Variants in ATRNL1 observed in about 807,000 individuals in gnomAD.
ATRNL1 encodes attractin-like protein 1.
A neutral mutation model predicts 182.7 loss-of-function variants in ATRNL1; 95 were observed. The ratio of observed to expected loss-of-function variants is 0.52; its 90% CI spans 0.44 to 0.62. The LOEUF is 0.62. ATRNL1 is among the 20% of genes least tolerant of loss of function. The pLI is 0.00. For missense variants in ATRNL1, 1,471 were observed against 1,679.5 expected (o/e 0.88, Z 2.17); for synonymous variants, 576 against 568.3 (o/e 1.01, Z -0.19).
At chr10:115,566,512 A>G (rs1216462136) in intron 26 of ATRNL1, among the ~76,000 whole-genome samples, 1 of 152,138 alleles carries the variant, frequency 6.6e-6, no homozygotes, top group Non-Finnish European at 1.5e-5. Flanking sequence ...TCTATGTAGA[A>G]TGTTCTTTGA....
intron 26 of ATRNL1, among the ~76,000 whole-genome samples, chr10:115,645,495 T>G (rs1859548104): frequency 6.8e-6 from 1 of 147,464 alleles, no homozygotes; most frequent in South Asian, 2.1e-4. Flanking sequence ...AATAGAGATT[T>G]ATATATATAT....
At chr10:115,262,999 A>G (rs1851455446) in intron 10 of ATRNL1, among the ~76,000 whole-genome samples, 1 of 151,890 alleles carries the variant, frequency 6.6e-6, no homozygotes, top group African/African-American at 2.4e-5. Flanking sequence ...TTGGAAATCT[A>G]GAGAAACATT....
rs574332536 is a variant in ATRNL1 at position 115,775,002 on chromosome 10, A to C, written c.3903+47647A>C. ...TCATAAGACATTAGCTAAGAAATGA[A>C]TACCATTGAGGTTTTGAATGATCAG... On this transcript the variant is annotated intron_variant, in intron 27 of 28. Transcript: ENST00000355044. Among the ~76,000 whole-genome samples the C allele has an allele frequency of 2.0e-5, 3 of 152,330 alleles. No individual in the cohort carries two copies. The South Asian group carries it at 6.2e-4, about 32-fold the overall frequency.
At chr10:115,236,204 T>C (rs1554901364) in intron 9 of ATRNL1, among the ~76,000 whole-genome samples, 1 of 152,156 alleles carries the variant, frequency 6.6e-6, no homozygotes, top group East Asian at 1.9e-4. Context: ...CCTAGGTTCC[T>C]TTTAGTGGAG....
At chr10:115,465,588 A>G (rs1221177598) in intron 22 of ATRNL1, among the ~76,000 whole-genome samples, 3 of 138,826 alleles carry the variant, frequency 2.2e-5, no homozygotes, top group Non-Finnish European at 4.9e-5. Context: ...AATAGAATTC[A>G]GTATTAATTG....
intron 18 of ATRNL1, among the ~76,000 whole-genome samples, chr10:115,326,665 A>T (rs1277706774): frequency 4.0e-5 from 6 of 151,712 alleles, no homozygotes; most frequent in Admixed American, 6.6e-5. Flanking sequence ...GAGGCATCAC[A>T]CTACCTGACT....
chr10:115,930,516 T>C (rs1555121358), intron 28 of ATRNL1, among the ~76,000 whole-genome samples: 1 of 152,150 alleles, frequency 6.6e-6, no homozygotes, highest in African/African-American at 2.4e-5. Flanking sequence ...AATTCAACTA[T>C]TGGTTTTATT....
At chr10:115,181,645 A>G (rs893652920) in intron 8 of ATRNL1, among the ~76,000 whole-genome samples, 18 of 151,712 alleles carry the variant, frequency 1.2e-4, no homozygotes, top group African/African-American at 4.1e-4. Flanking sequence ...TTCATTACTT[A>G]TCAATTATTT....
intron 10 of ATRNL1, among the ~76,000 whole-genome samples, chr10:115,256,090 A>G: frequency 6.6e-6 from 1 of 152,132 alleles, no homozygotes; most frequent in Non-Finnish European, 1.5e-5. Flanking sequence ...ATATTGGTCT[A>G]AAATTCTCTT....
chr10:115,650,062 A>G (rs1361954680), intron 26 of ATRNL1, among the ~76,000 whole-genome samples: 1 of 152,140 alleles, frequency 6.6e-6, no homozygotes, highest in Non-Finnish European at 1.5e-5. Context: ...TGAGTTTTAC[A>G]ATTACTAAAT....
intron 28 of ATRNL1, among the ~76,000 whole-genome samples, chr10:115,854,629 C>T (rs986832450): frequency 2.4e-4 from 36 of 152,164 alleles, no homozygotes; most frequent in African/African-American, 8.2e-4. Flanking sequence ...TAAAGTGAGC[C>T]GTCCTTCCCC....
chr10:115,683,995 C>T (rs984045007), intron 26 of ATRNL1, among the ~76,000 whole-genome samples: 8 of 151,592 alleles, frequency 5.3e-5, no homozygotes, highest in Admixed American at 1.3e-4. Flanking sequence ...ATCTGATACA[C>T]ATATTTTTAT....
At chr10:115,424,804 G>A (rs916076466) in intron 20 of ATRNL1, among the ~76,000 whole-genome samples, 2 of 152,086 alleles carry the variant, frequency 1.3e-5, no homozygotes, top group Admixed American at 6.5e-5. Context: ...AAAGGCTTGG[G>A]AGGGTATGAG....
chr10:115,252,019 T>TTTG (rs371207632), intron 10 of ATRNL1, among the ~76,000 whole-genome samples: 12 of 151,756 alleles, frequency 7.9e-5, no homozygotes, highest in Middle Eastern at 3.4e-3. Context: ...GCTGTCTAGG[T>TTTG]TTGTTGTTGT....
chr10:115,127,055 A>G (rs1286043032), intron 3 of ATRNL1, among the ~76,000 whole-genome samples: 2 of 152,206 alleles, frequency 1.3e-5, no homozygotes, highest in African/African-American at 4.8e-5. Flanking sequence ...AAAACATTAA[A>G]GTCTATATAG....
rs915564050 is a variant in ATRNL1 at position 115,695,844 on chromosome 10, C to G, written c.3796-31404C>G. Among the ~76,000 whole-genome samples the G allele has an allele frequency of 2.0e-5, 3 of 151,936 alleles. No individual in the cohort carries two copies. In the East Asian group the frequency reaches 5.8e-4, roughly 29 times the overall value. On this transcript the variant is annotated intron_variant, in intron 26 of 28. Transcript: ENST00000355044. ...CTCCATCCATGTTCCTGAAAGGATA[C>G]AACCTTATTCTATTTTTATGGCTGC...
At chr10:115,763,211 A>T (rs1291256060) in intron 27 of ATRNL1, among the ~76,000 whole-genome samples, 7 of 152,086 alleles carry the variant, frequency 4.6e-5, no homozygotes, top group African/African-American at 1.7e-4. Flanking sequence ...TCATTCAAAA[A>T]TATTTATTGA....
intron 5 of ATRNL1, among the ~76,000 whole-genome samples, chr10:115,152,863 C>G (rs1191523992): frequency 6.6e-6 from 1 of 151,866 alleles, no homozygotes; most frequent in African/African-American, 2.4e-5. Flanking sequence ...GTCATAAATA[C>G]CTCTTATTAT....
At chr10:115,649,393 T>G (rs554931016) in intron 26 of ATRNL1, among the ~76,000 whole-genome samples, 1 of 152,168 alleles carries the variant, frequency 6.6e-6, no homozygotes, top group Non-Finnish European at 1.5e-5. Flanking sequence ...AGATGGTCCT[T>G]TATTTATGTT....
Sources: allele counts gnomAD v4.1 joint callset (sites outside exome capture counted in the v4.1 genomes callset), GRCh38; gene constraint gnomAD v4.1.1; transcripts MANE v1.5; gene names NCBI Gene and HGNC (gene_info 2026-07-23, HGNC 2026-07-21).